SCN10A: variants seen among roughly 807,000 people sequenced by gnomAD.
The protein encoded by SCN10A is sodium channel protein type 10 subunit alpha.
In SCN10A, 162 loss-of-function variants were observed where a neutral mutation model predicts 170.7. That is an observed-to-expected ratio of 0.95 (90% CI 0.84 to 1.08). The LOEUF (loss-of-function observed/expected upper bound fraction) is 1.08. Among genes scored for constraint, SCN10A ranks in the 50% least tolerant of loss-of-function variants. SCN10A has a pLI of 0.00. For missense variants in SCN10A, 2,527 were observed against 2,436.9 expected, an observed-to-expected ratio of 1.04 and a Z score of -0.78; for synonymous variants, 985 against 904.6, an observed-to-expected ratio of 1.09 and a Z score of -1.59.
Position 38,697,684 on chromosome 3 carries a change from G to C in SCN10A, c.5536C>G (p.Leu1846Val). Residue 1846 changes from leucine to valine, a missense_variant, in exon 28 of 28, where the codon CTC becomes GTC. Leu to Val is a conservative substitution (Grantham distance 32). Transcript: ENST00000449082. ...KSSYEPIATT[L>V]RWKQEDISAT... ...GAAATGTCTTCTTGCTTCCATCGGA[G>C]AGTGGTTGCTATTGGTTCATAGGAT... 1 of 1,614,172 alleles carries C rather than the reference G, an allele frequency of 6.2e-7. No individual in the cohort carries two copies. The highest frequency in any genetic ancestry group is 8.5e-7 in the Non-Finnish European group (1 of 1,180,032).
intron 15 of SCN10A, among the ~76,000 whole-genome samples, chr3:38,729,794 G>A (rs897456909): frequency 2.0e-5 from 3 of 152,244 alleles, no homozygotes; most frequent in African/African-American, 7.2e-5. Context: ...GAGCCAGGCT[G>A]TGGCTTAGGT....
In SCN10A at chr3:38,698,354, A is replaced by G. The variant is rs6599242; in HGVS notation, c.4866T>C (p.Ser1622=). Reference sequence around the variant, plus strand: ...GGGGAAAGCTGGACATACCGAAGATAGAGTAGATGAACATGACAAGGAATA... The same window carrying G: ...GGGGAAAGCTGGACATACCGAAGATGGAGTAGATGAACATGACAAGGAATA... ...LLLFLVMFIY[S]IFGMSSFPHV... The change falls in exon 28 of 28, where the codon TCT becomes TCC. Residue 1622 remains serine (S), a synonymous_variant. Coordinates refer to ENST00000449082, the MANE Select transcript of SCN10A (RefSeq NM_006514.4). 0.91 allele frequency: 1,476,513 copies of G among 1,614,070 alleles called. 675,773 individuals carry two copies. The highest frequency in any genetic ancestry group is 0.96 in the East Asian group (43,183 of 44,858).
intron 4 of SCN10A, among the ~76,000 whole-genome samples, chr3:38,776,404 T>C (rs1349662338): frequency 6.6e-6 from 1 of 152,078 alleles, no homozygotes; most frequent in Non-Finnish European, 1.5e-5. Context: ...TTTTTTGAAT[T>C]GTGATATTAT....
Position 38,723,499 on chromosome 3 carries a change from C to T in SCN10A, c.3283G>A (p.Glu1095Lys), listed in dbSNP as rs1413461284. The change falls in exon 19 of 28, where the codon GAG (glutamate) becomes AAG (lysine). Residue 1095 changes from glutamate to lysine, a missense_variant. Transcript: ENST00000449082. ...EGSTVDCLDP[E>K]EILRKIPELA... ...TCAGGGATCTTCCTCAGGATTTCCT[C>T]AGGATCTAGGCAGTCCACCGTGCTG... The T allele has an allele frequency of 6.2e-7, 1 of 1,613,286 alleles. No homozygotes were observed. Among genetic ancestry groups the T allele is most frequent in the African/African-American group, 1.3e-5 (1 of 74,906 alleles).
intron 1 of SCN10A, among the ~76,000 whole-genome samples, chr3:38,812,602 A>G (rs1210766309): frequency 2.0e-5 from 3 of 152,084 alleles, no homozygotes; most frequent in Non-Finnish European, 4.4e-5. Context: ...GCCCCTTCCC[A>G]GTGGCTACCC....
At chr3:38,739,925 G>A (rs894477782) in intron 14 of SCN10A, among the ~76,000 whole-genome samples, 4 of 152,198 alleles carry the variant, frequency 2.6e-5, no homozygotes, top group African/African-American at 9.7e-5. Flanking sequence ...CACGTGAATG[G>A]TGGTGGGAGT....
chr3:38,808,250 TC>T (rs1338636573), intron 1 of SCN10A, among the ~76,000 whole-genome samples: 5 of 7,816 alleles, frequency 6.4e-4, no homozygotes, highest in Admixed American at 1.5e-3. Context: ...CATGCTTTTT[TC>T]TCTCTCTCTC....
At chr3:38,783,317 C>G (rs775704461) in intron 4 of SCN10A, among the ~76,000 whole-genome samples, 1 of 152,084 alleles carries the variant, frequency 6.6e-6, no homozygotes, top group South Asian at 2.1e-4. Flanking sequence ...CCTCTTCTGC[C>G]CTGGAGGCCA....
chr3:38,767,843 TC>T (rs759308804), intron 5 of SCN10A, among the ~76,000 whole-genome samples: 3 of 152,168 alleles, frequency 2.0e-5, no homozygotes, highest in Non-Finnish European at 4.4e-5. Context: ...GGAATATTGA[TC>T]CCCCACTATT....
chr3:38,700,834 T>G (rs1338176463), intron 27 of SCN10A, among the ~76,000 whole-genome samples: 1 of 152,202 alleles, frequency 6.6e-6, no homozygotes, highest in African/African-American at 2.4e-5. Context: ...CAGGTCAGGA[T>G]ATAACCAATC....
chr3:38,725,378 A>G, intron 17 of SCN10A, 64 bp from the exon 18 acceptor site: 3 of 1,469,674 alleles, frequency 2.0e-6, no homozygotes, highest in Non-Finnish European at 2.7e-6. Context: ...TCTAAATTTG[A>G]AGGGATCTTG....
chr3:38,789,215 A>C (rs752418450), intron 3 of SCN10A, among the ~76,000 whole-genome samples, 179 bp from the exon 4 acceptor site: 1 of 152,196 alleles, frequency 6.6e-6, no homozygotes, highest in South Asian at 2.1e-4. Context: ...TACTTTGTCC[A>C]TGTTACTTCT....
intron 4 of SCN10A, among the ~76,000 whole-genome samples, chr3:38,782,208 A>G (rs987815362): frequency 2.0e-5 from 3 of 152,136 alleles, no homozygotes; most frequent in Non-Finnish European, 4.4e-5. Context: ...AGCAGCAGTA[A>G]GTGAACATAC....
At chr3:38,723,388 T>C (rs1236404571) in intron 19 of SCN10A, 42 bp downstream of exon 19, 1 of 1,612,472 alleles carries the variant, frequency 6.2e-7, no homozygotes, top group African/African-American at 1.3e-5. Flanking sequence ...ATTCTGGCCC[T>C]AATTAACATC....
chr3:38,814,424 C>T (rs2064459413), intron 1 of SCN10A, among the ~76,000 whole-genome samples: 1 of 152,112 alleles, frequency 6.6e-6, no homozygotes, highest in African/African-American at 2.4e-5. Context: ...AGCTGAAGGT[C>T]TTAAGAGCCT....
At chr3:38,725,040 G>T in intron 18 of SCN10A, 134 bp downstream of exon 18, 1 of 768,668 alleles carries the variant, frequency 1.3e-6, no homozygotes, top group East Asian at 3.0e-5. Context: ...AAAATTCCCA[G>T]GATAAGAAAT....
intron 12 of SCN10A, 31 bp from the exon 13 acceptor site, chr3:38,750,215 C>T: frequency 1.5e-6 from 2 of 1,336,986 alleles, no homozygotes; most frequent in East Asian, 4.6e-5. Context: ...TCAGGACGCT[C>T]CTTTAACCTG....
At position 38,697,672 on chromosome 3, in the gene SCN10A, G is replaced by A. The variant is rs149504103; in HGVS notation, c.5548C>T (p.Gln1850Ter). Residue 1850 changes from glutamine to a stop codon, truncating the protein, a stop_gained, in exon 28 of 28, where the codon CAA becomes TAA. Coordinates refer to ENST00000449082, the MANE Select transcript of SCN10A (RefSeq NM_006514.4). LOFTEE classifies it low-confidence loss of function (END_TRUNC). ...ATGACAGTGGCTGAAATGTCTTCTT[G>A]CTTCCATCGGAGAGTGGTTGCTATT... ...EPIATTLRWK[Q>*]EDISATVIQK... 1.2e-4 allele frequency: 194 copies of A among 1,614,046 alleles called. No individual in the cohort carries two copies. The highest frequency in any genetic ancestry group is 1.6e-4 in the Non-Finnish European group (189 of 1,180,044).
intron 24 of SCN10A, among the ~76,000 whole-genome samples, chr3:38,710,034 T>A (rs2063255278): frequency 6.6e-6 from 1 of 152,078 alleles, no homozygotes; most frequent in Admixed American, 6.5e-5. Context: ...ATACAGAGAA[T>A]CAGAAGTGCA....
Sources: allele counts gnomAD v4.1 joint callset (sites outside exome capture counted in the v4.1 genomes callset), GRCh38; gene constraint gnomAD v4.1.1; transcripts MANE v1.5; gene names NCBI Gene and HGNC (gene_info 2026-07-23, HGNC 2026-07-21).